Variants in FRMD4A observed in about 807,000 individuals in gnomAD.
The protein encoded by FRMD4A is FERM domain containing 4A, also known as FERM domain-containing protein 4A.
Under a neutral mutation model 129.1 loss-of-function variants are expected in FRMD4A, and 29 were observed. That is an observed-to-expected ratio of 0.22 (90% CI 0.17 to 0.31). The LOEUF is 0.31. Ranked by LOEUF, FRMD4A falls within the 10% of genes least tolerant of loss-of-function variation. The pLI, the probability that FRMD4A is intolerant of heterozygous loss-of-function variation, is 1.00. For synonymous variants in FRMD4A, 634 were observed against 571.6 expected (o/e 1.11, Z -1.56); for missense variants, 1,272 against 1,375.8 (o/e 0.92, Z 1.19).
rs1161355857 is a variant in FRMD4A, at chr10:14,284,480, C to G, written c.45+45578G>C. On this transcript the variant is annotated intron_variant, in intron 2 of 24. Transcript: ENST00000357447. ...TGGCTAACACGGTGAAACCCCGTAT[C>G]TACTAAAAATACATTTTAAAAAATT... 3.3e-5 allele frequency among the ~76,000 whole-genome samples: 5 copies of G among 152,224 alleles called. No individual in the cohort carries two copies. In the East Asian group the frequency reaches 9.6e-4, roughly 29 times the overall value.
intron 2 of FRMD4A, among the ~76,000 whole-genome samples, chr10:13,960,248 GAAAC>G (rs2095438165): frequency 6.6e-6 from 1 of 152,166 alleles, no homozygotes; most frequent in East Asian, 1.9e-4. Context: ...ATTTCCCCTG[GAAAC>G]TGAAAGGAAA....
intron 2 of FRMD4A, among the ~76,000 whole-genome samples, chr10:14,206,623 C>T (rs938947533): frequency 6.6e-6 from 1 of 151,622 alleles, no homozygotes; most frequent in African/African-American, 2.4e-5. Flanking sequence ...CACGGCGAAA[C>T]CCCATTTTTA....
intron 2 of FRMD4A, among the ~76,000 whole-genome samples, chr10:14,254,516 G>T (rs1319446450): frequency 1.3e-5 from 2 of 152,128 alleles, no homozygotes; most frequent in Non-Finnish European, 2.9e-5. Flanking sequence ...TGAAGTGGGA[G>T]CCAGCTAATG....
chr10:13,789,022 C>T (rs1426771467), intron 5 of FRMD4A, among the ~76,000 whole-genome samples: 1 of 152,172 alleles, frequency 6.6e-6, no homozygotes, highest in Non-Finnish European at 1.5e-5. Context: ...TTAAATGGAC[C>T]AGTGATTTCA....
At chr10:13,799,165 T>C (rs12416061) in intron 4 of FRMD4A, among the ~76,000 whole-genome samples, 1,681 of 152,310 alleles carry the variant, frequency 0.011, 75 homozygotes, top group East Asian at 0.091. Flanking sequence ...TTAAAATTTA[T>C]TTTTATTTTT....
chr10:13,920,937 A>G (rs1589276097), intron 2 of FRMD4A, among the ~76,000 whole-genome samples: 2 of 152,154 alleles, frequency 1.3e-5, no homozygotes, highest in South Asian at 4.1e-4. Flanking sequence ...TGCGCCACAC[A>G]TGTTACCTAT....
intron 2 of FRMD4A, among the ~76,000 whole-genome samples, chr10:13,881,636 T>G (rs566052793): frequency 6.6e-6 from 1 of 152,216 alleles, no homozygotes; most frequent in South Asian, 2.1e-4. Flanking sequence ...GTTCCTCAGT[T>G]ACATTTCTGA....
intron 2 of FRMD4A, among the ~76,000 whole-genome samples, chr10:14,246,321 GTACTT>G (rs1399192849): frequency 6.6e-6 from 1 of 152,084 alleles, no homozygotes; most frequent in Non-Finnish European, 1.5e-5. Context: ...CCTCAGGAAA[GTACTT>G]TATGAGCACC....
At chr10:13,685,256 A>G in intron 15 of FRMD4A, 1 of 985,122 alleles carries the variant, frequency 1.0e-6, no homozygotes, top group African/African-American at 1.7e-5. Flanking sequence ...AAAACCAAGC[A>G]CCTTTTGATG....
chr10:14,126,884 T>C (rs933327087), intron 2 of FRMD4A, among the ~76,000 whole-genome samples: 8 of 152,148 alleles, frequency 5.3e-5, no homozygotes, highest in Non-Finnish European at 1.2e-4. Context: ...TCATTTGCAA[T>C]ATGGCATGTT....
chr10:13,787,125 C>T (rs1258411526), intron 5 of FRMD4A, among the ~76,000 whole-genome samples: 1 of 152,058 alleles, frequency 6.6e-6, no homozygotes, highest in Admixed American at 6.6e-5. Flanking sequence ...AAATAACACG[C>T]ATATTCTGAG....
At chr10:13,704,528 AC>A (rs889182203) in intron 13 of FRMD4A, among the ~76,000 whole-genome samples, 3 of 151,508 alleles carry the variant, frequency 2.0e-5, no homozygotes, top group African/African-American at 7.3e-5. Context: ...AATCCTAGTT[AC>A]CCCTCCAGGT....
chr10:14,092,537 T>C (rs761815328), intron 2 of FRMD4A, among the ~76,000 whole-genome samples: 3 of 152,254 alleles, frequency 2.0e-5, no homozygotes, highest in Non-Finnish European at 4.4e-5. Context: ...GTGTCTTACT[T>C]CCACTGTGTC....
intron 2 of FRMD4A, among the ~76,000 whole-genome samples, chr10:14,095,944 C>G (rs544372900): frequency 6.6e-6 from 1 of 152,276 alleles, no homozygotes; most frequent in South Asian, 2.1e-4. Flanking sequence ...AAGTGGAAAA[C>G]TGGAATGCTA....
intron 2 of FRMD4A, among the ~76,000 whole-genome samples, chr10:14,237,653 G>C: frequency 6.6e-6 from 1 of 151,490 alleles, no homozygotes; most frequent in East Asian, 1.9e-4. Context: ...CTGCTGTTGA[G>C]AGAGAGACAG....
At chr10:14,263,799 C>T (rs1209434831) in intron 2 of FRMD4A, among the ~76,000 whole-genome samples, 1 of 152,182 alleles carries the variant, frequency 6.6e-6, no homozygotes, top group East Asian at 1.9e-4. Flanking sequence ...GACTGGCGCC[C>T]ACCCTTGATA....
intron 2 of FRMD4A, among the ~76,000 whole-genome samples, chr10:14,039,714 A>C (rs1833704983): frequency 6.6e-6 from 1 of 152,088 alleles, no homozygotes; most frequent in South Asian, 2.1e-4. Flanking sequence ...TCTACCTATG[A>C]CCTGTGAACC....
intron 3 of FRMD4A, among the ~76,000 whole-genome samples, chr10:13,850,364 CT>C (rs2094124342): frequency 6.6e-6 from 1 of 152,168 alleles, no homozygotes; most frequent in South Asian, 2.1e-4. Context: ...TATTAATGTA[CT>C]CGACCTTTAA....
chr10:13,682,314 G>T (rs569697973), intron 15 of FRMD4A, among the ~76,000 whole-genome samples: 1 of 152,030 alleles, frequency 6.6e-6, no homozygotes, highest in African/African-American at 2.4e-5. Context: ...AGTCCATTTC[G>T]TGGACAAGCA....
Sources: gnomAD v4.1 joint callset for allele counts (sites outside exome capture counted in the v4.1 genomes callset) on GRCh38, gnomAD v4.1.1 for gene constraint, MANE v1.5 for transcripts, NCBI Gene and HGNC (gene_info 2026-07-23, HGNC 2026-07-21) for gene names.